ZNF248: variants seen among roughly 807,000 people sequenced by gnomAD.
The protein encoded by ZNF248 is KRAB protein domain.
In ZNF248, 20 loss-of-function variants were observed where a neutral mutation model predicts 44.3. That is an observed-to-expected ratio of 0.45 (90% CI 0.32 to 0.66). The LOEUF is 0.66. Ranked by LOEUF, ZNF248 falls within the 30% of genes least tolerant of loss-of-function variation. The pLI, the probability that ZNF248 is intolerant of heterozygous loss-of-function variation, is 0.04. For synonymous variants in ZNF248, 224 were observed against 229.0 expected (o/e 0.98, Z 0.20); for missense variants, 654 against 677.0 (o/e 0.97, Z 0.38).
chr10:37,767,952 C>A, the ZNF248 span, among the ~76,000 whole-genome samples: 18 of 151,346 alleles, frequency 1.2e-4, no homozygotes, highest in Non-Finnish European at 2.1e-4. Context: ...AAATGGGAAA[C>A]AAAAAAAGGG....
intron 3 of ZNF248, among the ~76,000 whole-genome samples, chr10:37,854,226 G>A (rs1036144602): frequency 1.3e-5 from 2 of 152,034 alleles, no homozygotes; most frequent in African/African-American, 4.8e-5. Context: ...AAAACCATAA[G>A]GAAAAGATTA....
At chr10:37,775,071 C>T (rs2046474073), downstream of ZNF248, among the ~76,000 whole-genome samples, 1 of 152,096 alleles carries the variant, frequency 6.6e-6, no homozygotes, top group South Asian at 2.1e-4. Flanking sequence ...CACCTGGCCT[C>T]TTTTGTTTAT....
At chr10:37,816,236 T>C (rs976662940) in intron 6 of ZNF248, among the ~76,000 whole-genome samples, 1 of 152,122 alleles carries the variant, frequency 6.6e-6, no homozygotes, top group Non-Finnish European at 1.5e-5. Context: ...CTTGCAACAA[T>C]GGCAATGAGT....
chr10:37,767,981 C>A, the ZNF248 span, among the ~76,000 whole-genome samples: 3 of 152,136 alleles, frequency 2.0e-5, no homozygotes, highest in Non-Finnish European at 4.4e-5. Flanking sequence ...CAATCCTAGT[C>A]TCTGATAAAA....
chr10:37,819,165 G>A, intron 6 of ZNF248: 1 of 788,114 alleles, frequency 1.3e-6, no homozygotes, highest in Admixed American at 1.8e-5. Flanking sequence ...ATGATGGGAG[G>A]TTTTATTTTA....
At chr10:37,826,889 A>G (rs1474185822), downstream of ZNF248, among the ~76,000 whole-genome samples, 1 of 152,218 alleles carries the variant, frequency 6.6e-6, no homozygotes, top group African/African-American at 2.4e-5. Context: ...AGTGTATTAT[A>G]AATTCTCTAC....
chr10:37,829,547 C>A lies in ZNF248; in HGVS notation c.*2068G>T. On this transcript the variant is annotated 3_prime_UTR_variant, in exon 6 of 6. Transcript: ENST00000395867. ...GCCTTCAGCTCTAAGTATCAGACAG[C>A]CCTAAGACCAAATAAAAAACAGTTA... 1.0e-6 allele frequency: 1 copy of A among 985,298 alleles called. No individual in the cohort carries two copies. Among genetic ancestry groups the A allele is most frequent in the Non-Finnish European group, 1.2e-6 (1 of 829,914 alleles). 61.0% of individuals were successfully genotyped at this position (985,298 alleles called of 1,614,324 possible).
At chr10:37,775,324 G>T (rs905449547), downstream of ZNF248, 6 of 152,086 alleles carry the variant, frequency 3.9e-5, no homozygotes, top group Non-Finnish European at 5.9e-5. Flanking sequence ...GGAAACATGA[G>T]AAATGAATAA....
chr10:37,762,976 G>A, the ZNF248 span, among the ~76,000 whole-genome samples: 1 of 152,162 alleles, frequency 6.6e-6, no homozygotes, highest in East Asian at 1.9e-4. Context: ...CAAAAACACT[G>A]TTGGGCTTCT....
At chr10:37,842,343 C>T (rs573585389) in intron 3 of ZNF248, among the ~76,000 whole-genome samples, 22 of 152,126 alleles carry the variant, frequency 1.4e-4, no homozygotes, top group African/African-American at 4.6e-4. Flanking sequence ...AAATAAACTT[C>T]GTCAGAATTC....
At chr10:37,773,067 C>T (rs989463918), downstream of ZNF248, among the ~76,000 whole-genome samples, 10 of 152,094 alleles carry the variant, frequency 6.6e-5, no homozygotes, top group South Asian at 1.7e-3. Flanking sequence ...GCCAACATGG[C>T]GAAACCCCGT....
rs1590088302 is a variant in ZNF248 at position 37,857,447 on chromosome 10, C to G, written c.-388G>C. 1 of 152,196 alleles carries G rather than the reference C, an allele frequency of 6.6e-6. No individual in the cohort carries two copies. The highest frequency in any genetic ancestry group is 1.5e-5 in the Non-Finnish European group (1 of 68,070). The allele number at this position is 152,196 out of a possible 1,614,324, so 9.4% of individuals were successfully genotyped here. A position where few individuals can be genotyped will look rare whatever the true frequency, so the allele number is the denominator to read the frequency against. ...TCGGGCTCTCCCAGGGAACGCACAC[C>G]CAATAAATACAGCACCTAAACAATG... On this transcript the variant is annotated 5_prime_UTR_variant, in exon 1 of 6. Transcript: ENST00000395867.
rs142119684 is a variant in ZNF248, at chr10:37,851,974, G to A, written c.15+4322C>T. On this transcript the variant is annotated intron_variant, in intron 3 of 5. Coordinates refer to ENST00000395867, the MANE Select transcript of ZNF248 (RefSeq NM_021045.3). ...TAAACTGTGATATATCCAGCCGGGC[G>A]CGGTGGCTCACGTCTGTATTCCCAG... 5.3e-5 allele frequency among the ~76,000 whole-genome samples: 8 copies of A among 152,182 alleles called. No individual in the cohort carries two copies. The East Asian group carries it at 5.8e-4, about 11-fold the overall frequency.
Position 37,832,011 on chromosome 10 carries a change from CT to C in ZNF248, c.1343del (p.Lys448SerfsTer56). The C allele has an allele frequency of 6.2e-7, 1 of 1,614,068 alleles. No individual in the cohort carries two copies. The highest frequency in any genetic ancestry group is 8.5e-7 in the Non-Finnish European group (1 of 1,179,950). On this transcript the variant is annotated frameshift_variant, in exon 6 of 6. Coordinates refer to ENST00000395867, the MANE Select transcript of ZNF248 (RefSeq NM_021045.3). LOFTEE classifies it high-confidence loss of function. ...TTCTCTGATGTTCAGTGAGGTTTGACTTCACACAGAATGTTTTTCCACATTG... is the reference window on the plus strand; with the variant it reads ...TTCTCTGATGTTCAGTGAGGTTTGACTCACACAGAATGTTTTTCCACATTG... ...CKQCGKTFCV[K>X]SNLTEHQRTH...
chr10:37,821,016 G>A, intron 6 of ZNF248: 1 of 1,334,368 alleles, frequency 7.5e-7, no homozygotes, highest in East Asian at 2.3e-5. Flanking sequence ...GAGACTAAAG[G>A]TGCTCTGGGA....
At position 37,811,961 on chromosome 10, in the gene ZNF248, C is replaced by T. The variant is rs140748016; in HGVS notation, c.330+21064G>A. Among the ~76,000 whole-genome samples, 387 of 152,018 alleles carry T rather than the reference C, an allele frequency of 2.5e-3. 4 individuals carry two copies. The East Asian group carries it at 0.036, about 14-fold the overall frequency. ...ATTAAGAAAATCACTGAGGGTTTGG[C>T]GCAGTGGCTTACATCTGTAATCCCA... On this transcript the variant is annotated intron_variant, in intron 6 of 6. Transcript: ENST00000615949.
downstream of ZNF248, chr10:37,828,630 A>G (rs2054806196): frequency 2.1e-6 from 2 of 963,504 alleles, no homozygotes; most frequent in Non-Finnish European, 2.5e-6. Flanking sequence ...CGTGATCACA[A>G]TGACATGTTC....
chr10:37,812,412 G>T (rs2051664152), intron 6 of ZNF248, among the ~76,000 whole-genome samples: 1 of 152,238 alleles, frequency 6.6e-6, no homozygotes, highest in Admixed American at 6.5e-5. Flanking sequence ...CTCTACTTTA[G>T]TACAAATGCA....
At chr10:37,775,908 G>A (rs1400630320), downstream of ZNF248, among the ~76,000 whole-genome samples, 2 of 152,156 alleles carry the variant, frequency 1.3e-5, no homozygotes, top group Non-Finnish European at 2.9e-5. Flanking sequence ...CCTGTTATAA[G>A]ATGGATGGGT....
Sources: allele counts gnomAD v4.1 joint callset (sites outside exome capture counted in the v4.1 genomes callset), GRCh38; gene constraint gnomAD v4.1.1; transcripts MANE v1.5; gene names NCBI Gene and HGNC (gene_info 2026-07-23, HGNC 2026-07-21).